The following ZNF469 variants were observed in gnomAD, a reference collection of about 807,000 sequenced individuals.
The protein encoded by ZNF469 is zinc finger protein 469.
ZNF469 carries 1 observed loss-of-function variant against 1.0 expected under a neutral mutation model. That is an observed-to-expected ratio of 1.00 (90% confidence interval 0.35 to 4.73). The LOEUF (loss-of-function observed/expected upper bound fraction) is 4.73, where lower values mean the gene tolerates loss of function less well. Among genes scored for constraint, ZNF469 ranks in the 30% most tolerant of loss-of-function variants. The pLI, the probability that ZNF469 is intolerant of heterozygous loss-of-function variation, is 0.16. For missense variants in ZNF469, 6,100 were observed against 5,356.3 expected, an observed-to-expected ratio of 1.14 and a Z score of -4.33; for synonymous variants, 2,703 against 2,363.4, an observed-to-expected ratio of 1.14 and a Z score of -4.17.
rs1302566181 is a variant in ZNF469, at chr16:88,434,285, C to T, written c.6815C>T (p.Pro2272Leu). 1.3e-6 allele frequency: 2 copies of T among 1,550,386 alleles called. No homozygotes were observed. Among genetic ancestry groups the T allele is most frequent in the Non-Finnish European group, 1.7e-6 (2 of 1,146,976 alleles). Residue 2272 changes from proline (P) to leucine (L), a missense_variant, in exon 3 of 3, where the codon CCT becomes CTT. Coordinates refer to ENST00000565624, the MANE Select transcript of ZNF469 (RefSeq NM_001367624.2). ...TCTCCTGGCCGAGCCACCTCTCCTC[C>T]TCTGGCAGGGGCCGTCTCCCCCAGC... ...WESPGRATSPPLAGAVSPSVA... is the reference protein window; with the variant it reads ...WESPGRATSPLLAGAVSPSVA...
the ZNF469 span, among the ~76,000 whole-genome samples, chr16:88,247,998 C>A: frequency 6.6e-6 from 1 of 152,136 alleles, no homozygotes; most frequent in Admixed American, 6.5e-5. Flanking sequence ...GGACGGAAGG[C>A]TATCAGAGCA....
chr16:88,143,546 C>T, the ZNF469 span, among the ~76,000 whole-genome samples: 1 of 152,126 alleles, frequency 6.6e-6, no homozygotes, highest in Non-Finnish European at 1.5e-5. Flanking sequence ...TCCCCCCATG[C>T]GTGGCCCATG....
chr16:88,432,286 C>G lies in ZNF469; in HGVS notation c.4816C>G (p.Pro1606Ala). 1.9e-6 allele frequency: 3 copies of G among 1,547,270 alleles called. No homozygotes were observed. The highest frequency in any genetic ancestry group is 1.7e-6 in the Non-Finnish European group (2 of 1,146,966). ...GGAGCTCGGCACAGGCACAGAGCCA[C>G]CCTCCCAACGGCGCACCTGCCAGGC... ...RVELGTGTEPPSQRRTCQATV... is the reference protein window; with the variant it reads ...RVELGTGTEPASQRRTCQATV... The change falls in exon 3 of 3, where the codon CCC becomes GCC. Residue 1606 changes from proline to alanine, a missense_variant. By Grantham distance (27) the Pro-to-Ala change is conservative. Coordinates refer to ENST00000565624, the MANE Select transcript of ZNF469 (RefSeq NM_001367624.2).
intron 1 of ZNF469, among the ~76,000 whole-genome samples, chr16:88,401,353 C>T (rs1173264806): frequency 2.0e-5 from 3 of 152,230 alleles, no homozygotes; most frequent in Non-Finnish European, 4.4e-5. Flanking sequence ...ACAGCACCTT[C>T]AGCCCTGCAG....
intron 1 of ZNF469, among the ~76,000 whole-genome samples, chr16:88,411,471 TGC>T (rs1567504064): frequency 2.4e-3 from 9 of 3,758 alleles, no homozygotes; most frequent in Non-Finnish European, 6.8e-3. Flanking sequence ...TGGGCAGGGG[TGC>T]AAGCAGGCAG....
chr16:88,426,316 T>C (rs1267767263), intron 2 of ZNF469, among the ~76,000 whole-genome samples: 2 of 152,252 alleles, frequency 1.3e-5, no homozygotes, highest in Admixed American at 1.3e-4. Flanking sequence ...CTGCAAGGGC[T>C]GAGCCCTGCC....
the ZNF469 span, among the ~76,000 whole-genome samples, chr16:88,272,647 C>G: frequency 6.7e-6 from 1 of 149,676 alleles, no homozygotes; most frequent in Non-Finnish European, 1.5e-5. Context: ...TATGGGTAGA[C>G]GAGTGGACAG....
At chr16:88,135,748 G>GTTTTTTTTTTTTTTTTTTTT in the ZNF469 span, among the ~76,000 whole-genome samples, 1 of 66,926 alleles carries the variant, frequency 1.5e-5, no homozygotes, top group African/African-American at 4.9e-5. Flanking sequence ...AGCTGGCCAT[G>GTTTTTTTTTTTTTTTTTTTT]TTTTTTTTTT....
chr16:88,384,340 T>A (rs888361286), intron 1 of ZNF469, among the ~76,000 whole-genome samples: 1 of 152,196 alleles, frequency 6.6e-6, no homozygotes, highest in African/African-American at 2.4e-5. Context: ...GCCCTCTCAG[T>A]GCCCAGCCTG....
At chr16:88,391,542 G>C (rs967591486) in intron 1 of ZNF469, among the ~76,000 whole-genome samples, 4 of 152,250 alleles carry the variant, frequency 2.6e-5, no homozygotes, top group African/African-American at 9.6e-5. Flanking sequence ...TCTTCATCAA[G>C]TGGAGGGCTG....
intron 1 of ZNF469, among the ~76,000 whole-genome samples, chr16:88,413,535 C>T (rs1279296748): frequency 6.6e-6 from 1 of 152,368 alleles, no homozygotes; most frequent in African/African-American, 2.4e-5. Flanking sequence ...TGGGCCCCGC[C>T]GTCCTGCCTG....
At chr16:88,146,617 C>T in the ZNF469 span, among the ~76,000 whole-genome samples, 5 of 152,072 alleles carry the variant, frequency 3.3e-5, no homozygotes, top group Non-Finnish European at 4.4e-5. Flanking sequence ...TCTCTCCCAC[C>T]GTCTCCAGTC....
At chr16:88,168,913 T>C in the ZNF469 span, among the ~76,000 whole-genome samples, 5,951 of 149,928 alleles carry the variant, frequency 0.04, 230 homozygotes, top group Non-Finnish European at 0.052. The surrounding 1 kb of genome is among the most constrained non-coding windows in gnomAD (Gnocchi z 4.3). Context: ...CTGGACAACA[T>C]AGTGAGACCC....
At chr16:88,246,608 G>C in the ZNF469 span, among the ~76,000 whole-genome samples, 1 of 152,222 alleles carries the variant, frequency 6.6e-6, no homozygotes, top group African/African-American at 2.4e-5. Context: ...TTTATTCGTA[G>C]GTCAAAGTGA....
At chr16:88,192,840 AATG>A in the ZNF469 span, among the ~76,000 whole-genome samples, 24 of 28,876 alleles carry the variant, frequency 8.3e-4, no homozygotes, top group East Asian at 4.0e-3. Flanking sequence ...TGGTGATGAC[AATG>A]ATGATAATGA....
the ZNF469 span, among the ~76,000 whole-genome samples, chr16:88,193,045 GTGATGA>G: frequency 1.5e-3 from 85 of 57,004 alleles, no homozygotes; most frequent in Middle Eastern, 8.5e-3. Context: ...GATGGTGGTG[GTGATGA>G]TGGTGATGGT....
chr16:88,334,132 C>G, the ZNF469 span, among the ~76,000 whole-genome samples: 1 of 151,784 alleles, frequency 6.6e-6, no homozygotes, highest in East Asian at 1.9e-4. Context: ...GTGTGTGTGC[C>G]CAAGGGAGGC....
the ZNF469 span, among the ~76,000 whole-genome samples, chr16:88,274,054 C>T: frequency 5.1e-4 from 78 of 152,298 alleles, no homozygotes; most frequent in African/African-American, 9.1e-4. Context: ...CCGCCTGCCT[C>T]GGCCTCCCAA....
the ZNF469 span, among the ~76,000 whole-genome samples, chr16:88,176,550 G>A: frequency 7.2e-5 from 11 of 152,198 alleles, no homozygotes; most frequent in African/African-American, 2.2e-4. Flanking sequence ...CGCAATGGCG[G>A]CCTCCACACA....
Sources: allele counts gnomAD v4.1 joint callset (sites outside exome capture counted in the v4.1 genomes callset), GRCh38; gene constraint gnomAD v4.1.1; non-coding constraint Gnocchi (gnomAD v3.1); transcripts MANE v1.5; gene names NCBI Gene and HGNC (gene_info 2026-07-23, HGNC 2026-07-21).